TDRD12: variants seen among roughly 807,000 people sequenced by gnomAD.
TDRD12 encodes the protein putative ATP-dependent RNA helicase TDRD12.
Under a neutral mutation model 133.5 loss-of-function variants are expected in TDRD12, and 158 were observed. The observed-to-expected ratio is 1.18, with a 90% CI of 1.04 to 1.35. The LOEUF is 1.35. Among genes scored for constraint, TDRD12 ranks in the 40% most tolerant of loss-of-function variants. The pLI is 0.00. For synonymous variants in TDRD12, 460 were observed against 477.9 expected, an observed-to-expected ratio of 0.96 and a Z score of 0.49; for missense variants, 1,443 against 1,321.3, an observed-to-expected ratio of 1.09 and a Z score of -1.43.
chr19:32,774,767 G>A (rs556920207), intron 10 of TDRD12, among the ~76,000 whole-genome samples: 3 of 152,112 alleles, frequency 2.0e-5, no homozygotes, highest in Non-Finnish European at 4.4e-5. Flanking sequence ...GACCTCACCC[G>A]AGGTCAGGAG....
chr19:32,737,612 C>T (rs1050333929), intron 2 of TDRD12, among the ~76,000 whole-genome samples: 5 of 152,168 alleles, frequency 3.3e-5, no homozygotes, highest in African/African-American at 1.2e-4. Flanking sequence ...CCACTGCAGC[C>T]TCCAATTCCT....
intron 1 of TDRD12, among the ~76,000 whole-genome samples, chr19:32,730,522 A>G (rs1365101103): frequency 6.6e-6 from 1 of 152,170 alleles, no homozygotes; most frequent in Non-Finnish European, 1.5e-5. Flanking sequence ...TATAGAAACT[A>G]TTCTATTGTC....
chr19:32,756,260 AC>A (rs1969989198), intron 7 of TDRD12, 79 bp downstream of exon 7: 3 of 1,199,150 alleles, frequency 2.5e-6, no homozygotes, highest in African/African-American at 3.2e-5. Flanking sequence ...AGTTGTACAG[AC>A]TTTTCCCCAC....
At chr19:32,731,699 C>G (rs539402868) in intron 1 of TDRD12, 26 bp from the exon 2 acceptor site, 25 of 1,520,984 alleles carry the variant, frequency 1.6e-5, no homozygotes, top group Non-Finnish European at 2.1e-5. Flanking sequence ...ATACGCTGTT[C>G]TGTTTGTCTT....
intron 22 of TDRD12, among the ~76,000 whole-genome samples, chr19:32,809,146 G>C (rs962501409): frequency 1.3e-5 from 2 of 152,106 alleles, no homozygotes; most frequent in Non-Finnish European, 2.9e-5. Context: ...TGGTGACATA[G>C]TGTCTGAGAT....
rs780847149 is a variant in TDRD12, at chr19:32,800,790, T to TA, written c.2079+24dup. 1 of 1,503,280 alleles carries TA rather than the reference T, an allele frequency of 6.7e-7. No individual in the cohort carries two copies. The highest frequency in any genetic ancestry group is 1.3e-5 in the South Asian group (1 of 77,428). The allele number at this position is 1,503,280 out of a possible 1,614,324, so 93.1% of individuals were successfully genotyped here. A position where few individuals can be genotyped will look rare whatever the true frequency, so the allele number is the denominator to read the frequency against. On this transcript the variant is annotated intron_variant, in intron 18 of 27. Transcript: ENST00000444215. ...TGTGTAAGGTGAGTCCATCTCCATA[T>TA]AAAAAATGTTCTGTTTGTTTCAACT...
intron 11 of TDRD12, among the ~76,000 whole-genome samples, chr19:32,779,325 G>A (rs915257727): frequency 2.6e-5 from 4 of 152,098 alleles, no homozygotes; most frequent in African/African-American, 7.2e-5. Context: ...TTTTTGTCTC[G>A]CTGATGGAGT....
At chr19:32,746,474 C>G (rs1444722416) in intron 4 of TDRD12, among the ~76,000 whole-genome samples, 43 of 42,770 alleles carry the variant, frequency 1.0e-3, no homozygotes, top group African/African-American at 4.4e-3. Flanking sequence ...TGTGGTTATT[C>G]TGTGTGTGAC....
intron 8 of TDRD12, among the ~76,000 whole-genome samples, chr19:32,764,885 A>G (rs1970250804): frequency 6.6e-6 from 1 of 151,586 alleles, no homozygotes; most frequent in South Asian, 2.1e-4. Flanking sequence ...AAAATTGACA[A>G]ATGGGATCTA....
intron 8 of TDRD12, among the ~76,000 whole-genome samples, chr19:32,765,026 T>C (rs1195924791): frequency 6.6e-6 from 1 of 151,968 alleles, no homozygotes; most frequent in African/African-American, 2.4e-5. Context: ...TACAATGAAC[T>C]CAAACAAATT....
At chr19:32,742,150 C>G (rs1034731098) in intron 3 of TDRD12, among the ~76,000 whole-genome samples, 18 of 138,598 alleles carry the variant, frequency 1.3e-4, no homozygotes, top group Non-Finnish European at 2.5e-4. Context: ...CCTAAGGAGC[C>G]TTATTAGACT....
At chr19:32,824,474 C>A (rs982851307), downstream of TDRD12, 5 of 152,998 alleles carry the variant, frequency 3.3e-5, no homozygotes, top group Admixed American at 6.5e-5. Context: ...GGGCTGCTGC[C>A]TGCTCTTGCC....
At chr19:32,774,524 G>T (rs2145605736) in intron 10 of TDRD12, among the ~76,000 whole-genome samples, 1 of 151,924 alleles carries the variant, frequency 6.6e-6, no homozygotes, top group East Asian at 1.9e-4. Context: ...GCTAGGTGTA[G>T]AATTCTAGGT....
At chr19:32,738,353 C>T (rs993215414) in intron 2 of TDRD12, among the ~76,000 whole-genome samples, 12 of 152,206 alleles carry the variant, frequency 7.9e-5, no homozygotes, top group Admixed American at 2.6e-4. Flanking sequence ...AGTACTCAGA[C>T]GGCCTGTGTT....
At chr19:32,826,884 T>C (rs2868192) in intron 9 of TDRD12, 135 bp downstream of exon 32, 181,657 of 557,236 alleles carry the variant, frequency 0.33, 30,291 homozygotes, top group African/African-American at 0.39. Flanking sequence ...AGTTTTCTCT[T>C]TGTTTATCTT....
chr19:32,753,864 C>T (rs959894851), intron 6 of TDRD12, among the ~76,000 whole-genome samples: 2 of 151,974 alleles, frequency 1.3e-5, no homozygotes, highest in South Asian at 2.1e-4. Context: ...AACCTACTCT[C>T]GTTGGCCGCA....
chr19:32,808,938 AT>A (rs2145723355), intron 22 of TDRD12, among the ~76,000 whole-genome samples: 1 of 151,768 alleles, frequency 6.6e-6, no homozygotes, highest in Admixed American at 6.6e-5. Flanking sequence ...CTTTTTAATT[AT>A]TTTATTTTTA....
At chr19:32,719,806 C>T (rs540471250) in exon 1 of TDRD12, 5 of 562,554 alleles carry the variant, frequency 8.9e-6, no homozygotes, top group Non-Finnish European at 6.4e-6. Flanking sequence ...TGCGGGAGGC[C>T]CGAGGCCAGG....
intron 10 of TDRD12, among the ~76,000 whole-genome samples, chr19:32,775,908 T>TA (rs1970569629): frequency 6.6e-6 from 1 of 152,186 alleles, no homozygotes; most frequent in Non-Finnish European, 1.5e-5. Context: ...TGGTTTCTGT[T>TA]AACATTCTCT....
Sources: allele counts gnomAD v4.1 joint callset (sites outside exome capture counted in the v4.1 genomes callset), GRCh38; gene constraint gnomAD v4.1.1; transcripts MANE v1.5; gene names NCBI Gene and HGNC (gene_info 2026-07-23, HGNC 2026-07-21).